NEK11: variants seen among roughly 807,000 people sequenced by gnomAD.
The protein encoded by NEK11 is serine/threonine-protein kinase Nek11.
A neutral mutation model predicts 80.7 loss-of-function variants in NEK11; 72 were observed. The observed-to-expected ratio is 0.89, with a 90% CI of 0.74 to 1.08. The LOEUF is 1.08. Ranked by LOEUF, NEK11 falls within the 50% of genes least tolerant of loss-of-function variation. NEK11 has a pLI of 0.00. For missense variants in NEK11, 764 were observed against 763.6 expected, an observed-to-expected ratio of 1.00 and a Z score of -0.01; for synonymous variants, 251 against 260.7, an observed-to-expected ratio of 0.96 and a Z score of 0.36.
intron 14 of NEK11, among the ~76,000 whole-genome samples, chr3:131,210,098 C>G (rs1397045444): frequency 6.6e-6 from 1 of 152,190 alleles, no homozygotes; most frequent in Non-Finnish European, 1.5e-5. Context: ...TTAGATCTTT[C>G]CTGCTTTCTC....
At chr3:131,275,554 T>C (rs914845862) in intron 17 of NEK11, among the ~76,000 whole-genome samples, 2 of 152,158 alleles carry the variant, frequency 1.3e-5, no homozygotes, top group Non-Finnish European at 2.9e-5. Flanking sequence ...GCAGTTTGGG[T>C]TACTCCCCCA....
At chr3:131,334,836 A>G (rs961057461) in intron 17 of NEK11, among the ~76,000 whole-genome samples, 1 of 152,236 alleles carries the variant, frequency 6.6e-6, no homozygotes, top group African/African-American at 2.4e-5. Context: ...GAATACTACA[A>G]ACACCTCTAC....
intron 14 of NEK11, among the ~76,000 whole-genome samples, chr3:131,194,795 T>C (rs2093934136): frequency 6.6e-6 from 1 of 152,192 alleles, no homozygotes; most frequent in South Asian, 2.1e-4. Flanking sequence ...AAGTTTGTTT[T>C]CTTATATAGG....
At chr3:131,228,038 A>G (rs970856750) in intron 14 of NEK11, among the ~76,000 whole-genome samples, 5 of 152,136 alleles carry the variant, frequency 3.3e-5, no homozygotes, top group Admixed American at 6.6e-5. Flanking sequence ...TGATGCTGCT[A>G]TATATCCTAT....
intron 7 of NEK11, among the ~76,000 whole-genome samples, chr3:131,144,007 A>G (rs1560617091): frequency 1.3e-5 from 2 of 152,156 alleles, no homozygotes; most frequent in Non-Finnish European, 2.9e-5. Flanking sequence ...TTCCTAACCA[A>G]CTAGAGTCAT....
intron 4 of NEK11, among the ~76,000 whole-genome samples, chr3:131,091,390 G>A (rs1389856555): frequency 4.6e-5 from 7 of 151,992 alleles, no homozygotes; most frequent in Admixed American, 4.6e-4. Flanking sequence ...TTAATTACAG[G>A]AAATCAGGCA....
At chr3:131,106,907 G>C (rs747485944) in intron 4 of NEK11, among the ~76,000 whole-genome samples, 4 of 152,038 alleles carry the variant, frequency 2.6e-5, no homozygotes, top group Non-Finnish European at 5.9e-5. Context: ...CACTAATCTG[G>C]AAGTGAATTT....
intron 14 of NEK11, among the ~76,000 whole-genome samples, chr3:131,174,497 T>C (rs1468811265): frequency 1.3e-5 from 2 of 152,230 alleles, no homozygotes; most frequent in East Asian, 3.8e-4. Context: ...AATTGGACAA[T>C]TCCCTCTGGC....
intron 5 of NEK11, among the ~76,000 whole-genome samples, chr3:131,113,794 C>T (rs2080526723): frequency 6.6e-6 from 1 of 151,706 alleles, no homozygotes; most frequent in East Asian, 1.9e-4. Context: ...CACCTGTAAT[C>T]CCAGCTACTT....
At chr3:131,211,041 A>G (rs576645647) in intron 14 of NEK11, among the ~76,000 whole-genome samples, 253 of 151,990 alleles carry the variant, frequency 1.7e-3, no homozygotes, top group African/African-American at 5.9e-3. Context: ...TATTTTGCCC[A>G]CTAGTTGATG....
chr3:131,097,378 A>G (rs2077606121), intron 4 of NEK11, among the ~76,000 whole-genome samples: 2 of 151,680 alleles, frequency 1.3e-5, no homozygotes, highest in Non-Finnish European at 2.9e-5. Flanking sequence ...CTATTTCTCC[A>G]CATCCTCTCC....
At chr3:131,226,168 A>G (rs2095188111) in intron 14 of NEK11, among the ~76,000 whole-genome samples, 1 of 152,172 alleles carries the variant, frequency 6.6e-6, no homozygotes, top group Non-Finnish European at 1.5e-5. Context: ...GAGGGTGGGC[A>G]AGAGAAGGAA....
intron 14 of NEK11, among the ~76,000 whole-genome samples, chr3:131,204,151 G>A (rs373061328): frequency 6.6e-6 from 1 of 152,080 alleles, no homozygotes; most frequent in Admixed American, 6.6e-5. Flanking sequence ...AAACCCAAAA[G>A]GATGGAGTTT....
chr3:131,247,389 T>C (rs1234798595), intron 16 of NEK11, among the ~76,000 whole-genome samples: 3 of 152,154 alleles, frequency 2.0e-5, no homozygotes, highest in Non-Finnish European at 4.4e-5. Flanking sequence ...CATTTCCTAC[T>C]TTATGTTTTT....
intron 4 of NEK11, among the ~76,000 whole-genome samples, chr3:131,090,338 A>G (rs1288647945): frequency 1.3e-5 from 2 of 152,232 alleles, no homozygotes; most frequent in African/African-American, 4.8e-5. Context: ...AGAAGTTAAC[A>G]TCAAGTCTTT....
At chr3:131,168,505 C>T (rs1254763223) in intron 12 of NEK11, among the ~76,000 whole-genome samples, 10 of 150,924 alleles carry the variant, frequency 6.6e-5, no homozygotes, top group Non-Finnish European at 1.0e-4. Context: ...TACAGGCGCC[C>T]GCCACTACGC....
intron 14 of NEK11, among the ~76,000 whole-genome samples, chr3:131,197,439 G>A (rs969954169): frequency 6.6e-6 from 1 of 152,152 alleles, no homozygotes; most frequent in African/African-American, 2.4e-5. Flanking sequence ...TAGTTTTAGA[G>A]CTTCAATTCT....
chr3:131,159,668 G>A (rs2091260216), intron 10 of NEK11, among the ~76,000 whole-genome samples: 1 of 152,172 alleles, frequency 6.6e-6, no homozygotes, highest in Non-Finnish European at 1.5e-5. Flanking sequence ...AGGAGGCTGC[G>A]GCAGGAGAAT....
In NEK11 at chr3:131,170,903, G is replaced by C. The variant is rs1431568485; in HGVS notation, c.1399+16G>C. On this transcript the variant is annotated intron_variant, in intron 14 of 17. Transcript: ENST00000383366. ...GGATACCATGGTATGTGTTTGCATT[G>C]ATTTTCAGAAGGATGCTCACAGCTG... The C allele has an allele frequency of 6.3e-7, 1 of 1,575,190 alleles. No homozygotes were observed. The highest frequency in any genetic ancestry group is 1.1e-5 in the South Asian group (1 of 90,290).
Sources: allele counts gnomAD v4.1 joint callset (sites outside exome capture counted in the v4.1 genomes callset), GRCh38; gene constraint gnomAD v4.1.1; transcripts MANE v1.5; gene names NCBI Gene and HGNC (gene_info 2026-07-23, HGNC 2026-07-21).